The following DYNC2I2 variants were observed in gnomAD, a reference collection of about 807,000 sequenced individuals.
DYNC2I2 encodes dynein 2 intermediate chain 2.
Under a neutral mutation model 52.0 loss-of-function variants are expected in DYNC2I2, and 39 were observed. The observed-to-expected ratio is 0.75, with a 90% confidence interval of 0.58 to 0.98. DYNC2I2 has a LOEUF of 0.98. DYNC2I2 is among the 50% of genes least tolerant of loss of function. The pLI is 0.00. For synonymous variants in DYNC2I2, 359 were observed against 321.1 expected (o/e 1.12, Z -1.26); for missense variants, 743 against 728.4 (o/e 1.02, Z -0.23).
intron 2 of DYNC2I2, among the ~76,000 whole-genome samples, chr9:128,637,357 C>G (rs1199221110): frequency 6.6e-6 from 1 of 152,248 alleles, no homozygotes; most frequent in African/African-American, 2.4e-5. Flanking sequence ...AAGTGCCCAA[C>G]GCGGCCAAGT....
intron 1 of DYNC2I2, among the ~76,000 whole-genome samples, chr9:128,654,649 C>G (rs1860782727): frequency 6.6e-6 from 1 of 152,204 alleles, no homozygotes; most frequent in African/African-American, 2.4e-5. Context: ...CCTCCAACTC[C>G]TGGGCTCAAG....
rs1156229396 is a variant in DYNC2I2, at chr9:128,634,983, G to A, written c.982-62C>T. The A allele has an allele frequency of 1.9e-6, 3 of 1,595,352 alleles. No individual in the cohort carries two copies. The South Asian group carries it at 3.4e-5, about 18-fold the overall frequency. ...GGCATCAGATGGCACTGTCCCAACA[G>A]AGCCAGAGAACAGGAGGGGAGATCA... On this transcript the variant is annotated intron_variant, in intron 6 of 8. Transcript: ENST00000372715.
At chr9:128,680,447 G>A in the DYNC2I2 span, among the ~76,000 whole-genome samples, 2 of 151,708 alleles carry the variant, frequency 1.3e-5, no homozygotes, top group South Asian at 2.1e-4. Flanking sequence ...GCGCGATCTC[G>A]GCTCACTGAA....
At chr9:128,638,650 G>C (rs950266131) in intron 2 of DYNC2I2, among the ~76,000 whole-genome samples, 7 of 152,360 alleles carry the variant, frequency 4.6e-5, no homozygotes, top group African/African-American at 1.7e-4. Flanking sequence ...CTGCTGTGGA[G>C]AACAAGCTGC....
intron 1 of DYNC2I2, among the ~76,000 whole-genome samples, chr9:128,655,541 T>C (rs1172108461): frequency 7.1e-6 from 1 of 141,170 alleles, no homozygotes; most frequent in African/African-American, 2.6e-5. Flanking sequence ...AGAAACCAAG[T>C]AGCGCCGAAA....
intron 1 of DYNC2I2, among the ~76,000 whole-genome samples, chr9:128,648,363 C>T (rs141717173): frequency 2.0e-5 from 3 of 152,156 alleles, no homozygotes; most frequent in Non-Finnish European, 2.9e-5. Flanking sequence ...GCTGAGATCG[C>T]GCCATTGCAC....
At chr9:128,642,453 CAAAAA>C (rs34018869) in intron 1 of DYNC2I2, among the ~76,000 whole-genome samples, 1 of 78,450 alleles carries the variant, frequency 1.3e-5, no homozygotes. Context: ...GAGACTTTCT[CAAAAA>C]AAAAAAAAAA....
At position 128,635,993 on chromosome 9, in the gene DYNC2I2, A is replaced by C. The variant is rs1414379241; in HGVS notation, c.704-226T>G. ...TGCCCTGCACCTGGCAGCTCCCTCC[A>C]GCGTTGCCTGCCCCCTACCACTGAC... On this transcript the variant is annotated intron_variant, in intron 4 of 8. Transcript: ENST00000372715. 26 of 675,780 alleles carry C rather than the reference A, an allele frequency of 3.8e-5. No individual in the cohort carries two copies. The South Asian group carries it at 4.4e-4, about 11-fold the overall frequency. 41.9% of individuals were successfully genotyped at this position (675,780 alleles called of 1,614,324 possible).
chr9:128,671,904 C>T, the DYNC2I2 span, among the ~76,000 whole-genome samples: 2 of 151,680 alleles, frequency 1.3e-5, no homozygotes, highest in South Asian at 2.1e-4. Context: ...CCGCCCGCCT[C>T]GGCCTCCCAA....
intron 1 of DYNC2I2, among the ~76,000 whole-genome samples, chr9:128,648,200 G>C (rs985157295): frequency 2.0e-5 from 3 of 152,094 alleles, no homozygotes; most frequent in African/African-American, 7.2e-5. Flanking sequence ...CTTGAGGCCA[G>C]GAGTTCGAGC....
chr9:128,648,920 G>C lies in DYNC2I2; in HGVS notation c.186+7621C>G, dbSNP rs895184784. ...GTCAATTCTGAGGAGGGATGCAGCA[G>C]AGGCCTGCCAGGGAGTGAAAGCACA... On this transcript the variant is annotated intron_variant, in intron 1 of 8. Coordinates refer to ENST00000372715, the MANE Select transcript of DYNC2I2 (RefSeq NM_052844.4). 2.0e-5 allele frequency among the ~76,000 whole-genome samples: 3 copies of C among 152,134 alleles called. 1 individual carries two copies. Among genetic ancestry groups the C allele is most frequent in the South Asian group, 4.1e-4 (2 of 4,828 alleles).
At chr9:128,670,552 A>G in the DYNC2I2 span, among the ~76,000 whole-genome samples, 24 of 151,266 alleles carry the variant, frequency 1.6e-4, no homozygotes, top group African/African-American at 5.3e-4. Context: ...CCTGGCCAAC[A>G]TGGTGAAACT....
the DYNC2I2 span, among the ~76,000 whole-genome samples, chr9:128,668,296 G>A: frequency 6.4e-5 from 9 of 140,530 alleles, no homozygotes; most frequent in Non-Finnish European, 8.3e-5. Flanking sequence ...GCCCGCCTCC[G>A]CCTCCCAGAG....
rs947529407 is a variant in DYNC2I2, at chr9:128,645,539, C to T, written c.187-4600G>A. On this transcript the variant is annotated intron_variant, in intron 1 of 8. Transcript: ENST00000372715. Reference sequence around the variant, plus strand: ...GGCTGAGGCAGGAGAATCACTTGAACCCAAAAAGCAGAGGTTGCAATGAGC... The same window carrying T: ...GGCTGAGGCAGGAGAATCACTTGAATCCAAAAAGCAGAGGTTGCAATGAGC... Among the ~76,000 whole-genome samples the T allele has an allele frequency of 6.7e-5, 9 of 134,548 alleles. No homozygotes were observed. The Admixed American group carries it at 7.2e-4, about 11-fold the overall frequency. The allele number at this position is 134,548 out of a possible 152,430, so 88.3% of individuals were successfully genotyped here. A position where few individuals can be genotyped will look rare whatever the true frequency, so the allele number is the denominator to read the frequency against.
intron 2 of DYNC2I2, among the ~76,000 whole-genome samples, chr9:128,637,588 G>A (rs577730472): frequency 2.1e-4 from 32 of 152,186 alleles, no homozygotes; most frequent in African/African-American, 7.2e-4. Context: ...GATTACAGGC[G>A]CGTGCCACCA....
intron 3 of DYNC2I2, 108 bp downstream of exon 3, chr9:128,636,810 G>T: frequency 2.4e-6 from 2 of 850,830 alleles, no homozygotes; most frequent in South Asian, 1.6e-5. Flanking sequence ...AGACTCCCAG[G>T]ATGGCCAAGC....
chr9:128,679,829 A>C, the DYNC2I2 span, among the ~76,000 whole-genome samples: 1 of 151,966 alleles, frequency 6.6e-6, no homozygotes, highest in Non-Finnish European at 1.5e-5. Context: ...CCTGGGCAAC[A>C]GGGAGGGAGA....
the DYNC2I2 span, among the ~76,000 whole-genome samples, chr9:128,664,704 C>T: frequency 1.9e-3 from 295 of 151,286 alleles, 1 homozygote; most frequent in African/African-American, 6.4e-3. Flanking sequence ...AGGCTGGTCA[C>T]GAACTCCTGA....
the DYNC2I2 span, among the ~76,000 whole-genome samples, chr9:128,662,265 G>A: frequency 6.6e-6 from 1 of 151,816 alleles, no homozygotes; most frequent in Non-Finnish European, 1.5e-5. Flanking sequence ...AAACCTGAAG[G>A]GGGCTCAATC....
Sources: allele counts gnomAD v4.1 joint callset (sites outside exome capture counted in the v4.1 genomes callset), GRCh38; gene constraint gnomAD v4.1.1; transcripts MANE v1.5; gene names NCBI Gene and HGNC (gene_info 2026-07-23, HGNC 2026-07-21).